TBRG1: variants seen among roughly 807,000 people sequenced by gnomAD.
TBRG1 encodes nuclear interactor of ARF and MDM2.
Under a neutral mutation model 44.0 loss-of-function variants are expected in TBRG1, and 31 were observed. The ratio of observed to expected loss-of-function variants is 0.70; its 90% confidence interval spans 0.53 to 0.95. TBRG1 has a LOEUF of 0.95. Among genes scored for constraint, TBRG1 ranks in the 40% least tolerant of loss-of-function variants. The pLI is 0.00. For missense variants in TBRG1, 487 were observed against 496.1 expected (o/e 0.98, Z 0.18); for synonymous variants, 171 against 188.1 (o/e 0.91, Z 0.74).
At position 124,634,293 on chromosome 11, in the gene TBRG1, C is replaced by T. The variant is rs1170081053; in HGVS notation, c.*2055C>T. On this transcript the variant is annotated 3_prime_UTR_variant, in exon 9 of 9. Transcript: ENST00000441174. ...GAGGTTGCAGTGAGCCGAGACCGCGCCACTGCACTCCAGCCTGGGCAACAG... is the reference window on the plus strand; with the variant it reads ...GAGGTTGCAGTGAGCCGAGACCGCGTCACTGCACTCCAGCCTGGGCAACAG... 6.6e-6 allele frequency: 1 copy of T among 152,306 alleles called. No individual in the cohort carries two copies. The highest frequency in any genetic ancestry group is 1.5e-5 in the Non-Finnish European group (1 of 68,146). The allele number at this position is 152,306 out of a possible 1,614,324, so 9.4% of individuals were successfully genotyped here.
At chr11:124,625,414 A>G (rs1023821775) in intron 2 of TBRG1, among the ~76,000 whole-genome samples, 1 of 152,244 alleles carries the variant, frequency 6.6e-6, no homozygotes, top group Admixed American at 6.5e-5. Context: ...TGTGCCTTTC[A>G]GAAGCCTAAC....
rs565779305 is a variant in TBRG1, at chr11:124,633,492, A to G, written c.*1254A>G. ...AGAATTGAATGGTTAATGCACTGCC[A>G]TTCATAATTGCCAATTGAGGACAAC... is the stretch of plus-strand genomic sequence containing the variant. On this transcript the variant is annotated 3_prime_UTR_variant, in exon 9 of 9. Coordinates refer to ENST00000441174, the MANE Select transcript of TBRG1 (RefSeq NM_032811.3). The G allele has an allele frequency of 6.6e-6, 1 of 152,360 alleles. No individual in the cohort carries two copies. The highest frequency in any genetic ancestry group is 1.9e-4 in the East Asian group (1 of 5,182). 9.4% of individuals were successfully genotyped at this position (152,360 alleles called of 1,614,324 possible).
Position 124,632,535 on chromosome 11 carries a change from G to C in TBRG1, c.*297G>C. The C allele has an allele frequency of 1.7e-5, 4 of 237,792 alleles. No individual in the cohort carries two copies. The highest frequency in any genetic ancestry group is 3.3e-5 in the Non-Finnish European group (4 of 121,536). 14.7% of individuals were successfully genotyped at this position (237,792 alleles called of 1,614,324 possible). On this transcript the variant is annotated 3_prime_UTR_variant, in exon 9 of 9. Coordinates refer to ENST00000441174, the MANE Select transcript of TBRG1 (RefSeq NM_032811.3). ...CAGCCTCTTATAAACAAGAGTGATA[G>C]AGAGCTGCAGGCTGCTACAACAAAT... is the stretch of plus-strand genomic sequence containing the variant.
rs58240213 is a variant in TBRG1, at chr11:124,626,727, G to A, written c.591+118G>A. On this transcript the variant is annotated intron_variant, in intron 4 of 8. Transcript: ENST00000441174. ...CTTGCTGATCCATACCAACCCCAGC[G>A]TATCTCCAGTCCCTGCAAAACCAGG... The A allele has an allele frequency of 0.029, 41,694 of 1,415,490 alleles. 4,779 individuals carry two copies. In the African/African-American group the frequency reaches 0.35, roughly 12 times the overall value. 87.7% of individuals were successfully genotyped at this position (1,415,490 alleles called of 1,614,324 possible). A position where few individuals can be genotyped will look rare whatever the true frequency, so the allele number is the denominator to read the frequency against.
chr11:124,631,996 G>A, intron 8 of TBRG1, 97 bp from the exon 9 acceptor site: 3 of 1,033,546 alleles, frequency 2.9e-6, no homozygotes, highest in Non-Finnish European at 4.4e-6. Flanking sequence ...ATGCAAGGGT[G>A]TTAAGGAATT....
chr11:124,625,818 GC>G lies in TBRG1; in HGVS notation c.372del (p.Ser125AlafsTer29). 1 of 1,583,268 alleles carries G rather than the reference GC, an allele frequency of 6.3e-7. No homozygotes were observed. Among genetic ancestry groups the G allele is most frequent in the South Asian group, 1.2e-5 (1 of 86,382 alleles). Reference protein sequence around the residue: ...TIQGAGPISGPSTGAEEPFGK... With the variant: ...TIQGAGPISGXSTGAEEPFGK... ...TACAGGGAGCTGGGCCTATTTCAGG[GC>G]CCAGCACTGGGGCTGAGGAACCATT... is the stretch of plus-strand genomic sequence containing the variant. On this transcript the variant is annotated frameshift_variant, in exon 3 of 9. Coordinates refer to ENST00000441174, the MANE Select transcript of TBRG1 (RefSeq NM_032811.3). LOFTEE classifies it high-confidence loss of function.
Position 124,633,999 on chromosome 11 carries a change from A to ATAC in TBRG1, c.*1763_*1765dup, listed in dbSNP as rs1942666198. On this transcript the variant is annotated 3_prime_UTR_variant, in exon 9 of 9. Transcript: ENST00000441174. ...GTGTGTACGTATACCACATATACAT[A>ATAC]TACTTGTATGAAGATATGTGTAAAA... 1 of 152,264 alleles carries ATAC rather than the reference A, an allele frequency of 6.6e-6. No homozygotes were observed. Among genetic ancestry groups the ATAC allele is most frequent in the Non-Finnish European group, 1.5e-5 (1 of 68,044 alleles). The allele number at this position is 152,264 out of a possible 1,614,324, so 9.4% of individuals were successfully genotyped here. A position where few individuals can be genotyped will look rare whatever the true frequency, so the allele number is the denominator to read the frequency against.
intron 5 of TBRG1, among the ~76,000 whole-genome samples, chr11:124,628,706 C>T (rs960704697): frequency 1.3e-5 from 2 of 151,996 alleles, no homozygotes; most frequent in Non-Finnish European, 2.9e-5. Flanking sequence ...AACAAGTACA[C>T]GTTAGTAGGA....
Sources: gnomAD v4.1 joint callset for allele counts (sites outside exome capture counted in the v4.1 genomes callset) on GRCh38, gnomAD v4.1.1 for gene constraint, MANE v1.5 for transcripts, NCBI Gene and HGNC (gene_info 2026-07-23, HGNC 2026-07-21) for gene names.